Variants in NEGR1 observed in about 807,000 individuals in gnomAD.
NEGR1 encodes neuronal growth regulator 1, also known as IgLON family member 4.
NEGR1 carries 10 observed loss-of-function variants against 40.9 expected under a neutral mutation model. The observed-to-expected ratio is 0.24, with a 90% CI of 0.15 to 0.42. The LOEUF is 0.42. NEGR1 is among the 10% of genes least tolerant of loss of function. The pLI, the probability that NEGR1 is intolerant of heterozygous loss-of-function variation, is 1.00. For missense variants in NEGR1, 352 were observed against 438.9 expected (o/e 0.80, Z 1.77); for synonymous variants, 185 against 166.8 (o/e 1.11, Z -0.84).
intron 4 of NEGR1, among the ~76,000 whole-genome samples, chr1:71,631,624 G>C (rs1195724718): frequency 6.6e-6 from 1 of 151,700 alleles, no homozygotes; most frequent in Non-Finnish European, 1.5e-5. Context: ...ATATTTATTG[G>C]TAATTAGAAT....
chr1:72,267,713 GT>G (rs978432407), intron 1 of NEGR1, among the ~76,000 whole-genome samples: 2 of 151,064 alleles, frequency 1.3e-5, no homozygotes, highest in African/African-American at 4.8e-5. Flanking sequence ...TAAAAATATC[GT>G]TTGCTTTGTT....
chr1:71,431,875 T>G (rs1646471741), intron 6 of NEGR1, among the ~76,000 whole-genome samples: 1 of 152,164 alleles, frequency 6.6e-6, no homozygotes, highest in Non-Finnish European at 1.5e-5. Flanking sequence ...GAGATTTAAA[T>G]AAAGTAATGA....
rs907790455 is a variant in NEGR1, at chr1:71,478,864, G to GA, written c.941-71295dup. Among the ~76,000 whole-genome samples, 1,029 of 150,504 alleles carry GA rather than the reference G, an allele frequency of 6.8e-3. 20 individuals carry two copies. The highest frequency in any genetic ancestry group is 0.024 in the African/African-American group (984 of 41,088). ...GCTGATACCATGGATGATAGATAGG[G>GA]AAAAAAAAATCTTTCAGTGACACAT... On this transcript the variant is annotated intron_variant, in intron 6 of 6. Coordinates refer to ENST00000357731, the MANE Select transcript of NEGR1 (RefSeq NM_173808.3).
chr1:71,588,541 A>T (rs1649385296), intron 6 of NEGR1, among the ~76,000 whole-genome samples: 1 of 152,128 alleles, frequency 6.6e-6, no homozygotes, highest in African/African-American at 2.4e-5. Context: ...TTTCCACCAT[A>T]AAGTTTGCTT....
intron 1 of NEGR1, among the ~76,000 whole-genome samples, chr1:72,280,220 A>G (rs758913305): frequency 5.3e-5 from 8 of 152,198 alleles, no homozygotes; most frequent in Non-Finnish European, 1.0e-4. Context: ...CACTGTTGGA[A>G]GCAATGAGTG....
chr1:72,214,711 G>A (rs951135575), intron 1 of NEGR1, among the ~76,000 whole-genome samples: 4 of 152,032 alleles, frequency 2.6e-5, no homozygotes, highest in Admixed American at 1.3e-4. Context: ...GGAAATAAGA[G>A]AGGACACAAA....
At chr1:71,928,285 C>CATATGTAT in intron 2 of NEGR1, among the ~76,000 whole-genome samples, 1 of 126,552 alleles carries the variant, frequency 7.9e-6, no homozygotes, top group Non-Finnish European at 1.7e-5. Flanking sequence ...TATATACACA[C>CATATGTAT]ATATGTATAT....
At chr1:71,658,435 GA>G (rs1417114627) in intron 4 of NEGR1, among the ~76,000 whole-genome samples, 1 of 152,022 alleles carries the variant, frequency 6.6e-6, no homozygotes, top group Non-Finnish European at 1.5e-5. Context: ...AAAGAATCCA[GA>G]AATCCACATT....
At chr1:72,230,977 G>A (rs1654345305) in intron 1 of NEGR1, among the ~76,000 whole-genome samples, 2 of 152,086 alleles carry the variant, frequency 1.3e-5, no homozygotes, top group African/African-American at 4.8e-5. Context: ...ACTTTTATGT[G>A]ATTTCTAAAG....
intron 2 of NEGR1, among the ~76,000 whole-genome samples, chr1:71,934,411 A>C (rs1645884654): frequency 6.6e-6 from 1 of 152,142 alleles, no homozygotes; most frequent in Non-Finnish European, 1.5e-5. Context: ...AAGTAAATCA[A>C]ATATAAACCA....
At chr1:72,007,097 G>C (rs1646614412) in intron 1 of NEGR1, among the ~76,000 whole-genome samples, 1 of 151,920 alleles carries the variant, frequency 6.6e-6, no homozygotes, top group Non-Finnish European at 1.5e-5. Flanking sequence ...AAAAAGTGGA[G>C]TACATATTAA....
chr1:71,480,521 C>A (rs1252370221), intron 6 of NEGR1, among the ~76,000 whole-genome samples: 1 of 151,718 alleles, frequency 6.6e-6, no homozygotes, highest in Non-Finnish European at 1.5e-5. Flanking sequence ...AAGGGAGCTC[C>A]ATGAGGGCAT....
chr1:72,053,497 A>G (rs1291557758), intron 1 of NEGR1, among the ~76,000 whole-genome samples: 1 of 151,200 alleles, frequency 6.6e-6, no homozygotes, highest in Non-Finnish European at 1.5e-5. Flanking sequence ...TTAAGAATCT[A>G]TATAGCATAA....
chr1:72,125,047 A>G (rs1182505022), intron 1 of NEGR1, among the ~76,000 whole-genome samples: 1 of 152,120 alleles, frequency 6.6e-6, no homozygotes, highest in Non-Finnish European at 1.5e-5. Context: ...TCATCACTGT[A>G]CGTCACTCAA....
intron 2 of NEGR1, among the ~76,000 whole-genome samples, chr1:71,828,891 C>G (rs1320727066): frequency 6.6e-6 from 1 of 151,966 alleles, no homozygotes; most frequent in African/African-American, 2.4e-5. Context: ...ACGGCTGAGC[C>G]ATGAGACAAG....
chr1:72,068,881 AAC>A (rs1647349072), intron 1 of NEGR1, among the ~76,000 whole-genome samples: 2 of 152,262 alleles, frequency 1.3e-5, no homozygotes, highest in African/African-American at 2.4e-5. Flanking sequence ...AATTTAACAA[AAC>A]ACATGTTTAT....
chr1:72,063,398 G>T (rs1647206975), intron 1 of NEGR1, among the ~76,000 whole-genome samples: 1 of 151,914 alleles, frequency 6.6e-6, no homozygotes, highest in African/African-American at 2.4e-5. Context: ...CCAACTTATA[G>T]TTATGTACGG....
At chr1:71,662,727 C>T (rs1194912030) in intron 4 of NEGR1, among the ~76,000 whole-genome samples, 1 of 151,276 alleles carries the variant, frequency 6.6e-6, no homozygotes, top group South Asian at 2.1e-4. Flanking sequence ...TGGAAATACA[C>T]ACGGAAAACA....
At chr1:72,115,755 C>T (rs1487068524) in intron 1 of NEGR1, among the ~76,000 whole-genome samples, 2 of 151,628 alleles carry the variant, frequency 1.3e-5, no homozygotes, top group South Asian at 2.1e-4. Flanking sequence ...AAGCATGGGA[C>T]ACCCATTAAA....
Sources: allele counts gnomAD v4.1 joint callset (sites outside exome capture counted in the v4.1 genomes callset), GRCh38; gene constraint gnomAD v4.1.1; transcripts MANE v1.5; gene names NCBI Gene and HGNC (gene_info 2026-07-23, HGNC 2026-07-21).